Variants in SEMA4A observed in about 807,000 individuals in gnomAD.
SEMA4A encodes the protein semaphorin 4A.
SEMA4A carries 52 observed loss-of-function variants against 72.5 expected under a neutral mutation model. The observed-to-expected ratio is 0.72, with a 90% CI of 0.57 to 0.90. The LOEUF (loss-of-function observed/expected upper bound fraction) is 0.90, where lower values mean the gene tolerates loss of function less well. Among genes scored for constraint, SEMA4A ranks in the 40% least tolerant of loss-of-function variants. SEMA4A has a pLI of 0.00. For synonymous variants in SEMA4A, 369 were observed against 393.1 expected (o/e 0.94, Z 0.73); for missense variants, 926 against 959.7 (o/e 0.96, Z 0.46).
intron 10 of SEMA4A, among the ~76,000 whole-genome samples, chr1:156,171,909 G>T (rs1045289895): frequency 3.4e-5 from 5 of 146,722 alleles, no homozygotes; most frequent in Non-Finnish European, 7.5e-5. Flanking sequence ...TCGCCTTCCC[G>T]AGTAGCTGGG....
At chr1:156,172,323 C>T (rs1654877252) in intron 10 of SEMA4A, among the ~76,000 whole-genome samples, 1 of 151,940 alleles carries the variant, frequency 6.6e-6, no homozygotes, top group Admixed American at 6.6e-5. Context: ...ACCATGCTAG[C>T]CAGGCTGGTC....
intron 11 of SEMA4A, among the ~76,000 whole-genome samples, chr1:156,174,495 T>C (rs982469756): frequency 1.3e-5 from 2 of 152,106 alleles, no homozygotes; most frequent in Non-Finnish European, 2.9e-5. Flanking sequence ...AGGTGCTTGA[T>C]GGATGTGAGG....
chr1:156,161,260 C>T, intron 8 of SEMA4A, 86 bp from the exon 9 acceptor site: 2 of 606,066 alleles, frequency 3.3e-6, no homozygotes, highest in Non-Finnish European at 4.4e-6. Flanking sequence ...TGGGGGGACA[C>T]GCCGAGCTGC....
intron 2 of SEMA4A, chr1:156,155,514 A>C (rs1449234786): frequency 6.5e-6 from 1 of 152,820 alleles, no homozygotes; most frequent in Non-Finnish European, 1.5e-5. Flanking sequence ...CCATCAATAC[A>C]GGGTGATCTG....
intron 14 of SEMA4A, 87 bp downstream of exon 14, chr1:156,175,743 C>G: frequency 1.1e-6 from 1 of 932,138 alleles, no homozygotes; most frequent in Non-Finnish European, 1.7e-6. Context: ...CAATTTCCTC[C>G]CCCAGCACCT....
rs1268655563 is a variant in SEMA4A, at chr1:156,161,055, G to A, written c.810+26G>A. 3.0e-6 allele frequency: 3 copies of A among 985,504 alleles called. No individual in the cohort carries two copies. The Admixed American group carries it at 5.3e-5, about 17-fold the overall frequency. 61.0% of individuals were successfully genotyped at this position (985,504 alleles called of 1,614,324 possible). A position where few individuals can be genotyped will look rare whatever the true frequency, so the allele number is the denominator to read the frequency against. ...GTCCGCGGCCTGGGCGGGGGGCGGG[G>A]CTAACTGGAGGAGAACCAATAGGGA... On this transcript the variant is annotated intron_variant, in intron 8 of 14. Transcript: ENST00000368285.
Position 156,163,091 on chromosome 1 carries a change from C to G in SEMA4A, c.1131C>G (p.Gly377=). 6.2e-7 allele frequency: 1 copy of G among 1,613,304 alleles called. No homozygotes were observed. Among genetic ancestry groups the G allele is most frequent in the Non-Finnish European group, 8.5e-7 (1 of 1,179,688 alleles). The part of the protein sequence containing the change: ...YRGPETNPRP[G]SCSVGPSSDK... ...GCCCTGAGACCAACCCCCGGCCAGG[C>G]AGTGTGAGTACTACCCCCCACACTG... The change falls in exon 10 of 15, where the codon GGC becomes GGG. Residue 377 remains glycine, a synonymous_variant. Coordinates refer to ENST00000368285, the MANE Select transcript of SEMA4A (RefSeq NM_022367.4).
At chr1:156,165,157 T>C (rs1654043521) in intron 10 of SEMA4A, among the ~76,000 whole-genome samples, 1 of 152,152 alleles carries the variant, frequency 6.6e-6, no homozygotes, top group Non-Finnish European at 1.5e-5. Context: ...GAATCTCTTC[T>C]GAAGACAGAC....
intron 10 of SEMA4A, among the ~76,000 whole-genome samples, chr1:156,172,082 CTGTT>C (rs35314152): frequency 0.4 from 54,408 of 136,726 alleles, 12,218 homozygotes; most frequent in Non-Finnish European, 0.47. Context: ...CTGTGCCCGG[CTGTT>C]TGTTTGTTTG....
At chr1:156,164,605 C>T (rs1653991506) in intron 10 of SEMA4A, among the ~76,000 whole-genome samples, 1 of 152,130 alleles carries the variant, frequency 6.6e-6, no homozygotes, top group South Asian at 2.1e-4. Flanking sequence ...AGTAACTGCA[C>T]CCACCCCCAA....
chr1:156,149,646 C>T (rs374915627), upstream of SEMA4A: 3 of 152,186 alleles, frequency 2.0e-5, no homozygotes, highest in African/African-American at 7.2e-5. Context: ...GCTGTGTCGC[C>T]CCGGCATATA....
chr1:156,173,103 C>A, intron 11 of SEMA4A, 97 bp downstream of exon 11: 2 of 1,248,282 alleles, frequency 1.6e-6, no homozygotes, highest in Non-Finnish European at 1.1e-6. Flanking sequence ...CTTATTCATT[C>A]AACAACTGTT....
rs146418953 is a variant in SEMA4A, at chr1:156,176,634, C to G, written c.1923C>G (p.Asp641Glu). 1 of 1,614,216 alleles carries G rather than the reference C, an allele frequency of 6.2e-7. No individual in the cohort carries two copies. Among genetic ancestry groups the G allele is most frequent in the East Asian group, 2.2e-5 (1 of 44,888 alleles). Residue 641 changes from aspartate to glutamate, a missense_variant, in exon 15 of 15, where the codon GAC (aspartate) becomes GAG (glutamate). By Grantham distance (45) the Asp-to-Glu change is conservative. Coordinates refer to ENST00000368285, the MANE Select transcript of SEMA4A (RefSeq NM_022367.4). ...FSYPVISYWV[D>E]SQDQTLALDP... is the part of the protein sequence containing the mutation. ...ACCCTGTGATCTCCTACTGGGTGGA[C>G]AGCCAGGACCAGACCCTGGCCCTGG...
At position 156,161,395 on chromosome 1, in the gene SEMA4A, T is replaced by C; in HGVS notation, c.860T>C (p.Leu287Pro). The change falls in exon 9 of 15, where the codon CTG becomes CCG. Residue 287 changes from leucine (L) to proline (P), a missense_variant. Leu to Pro is a moderately conservative substitution (Grantham distance 98). Coordinates refer to ENST00000368285, the MANE Select transcript of SEMA4A (RefSeq NM_022367.4). Reference protein sequence around the residue: ...KLLQKKWTTFLKAQLLCTQPG... With the variant: ...KLLQKKWTTFPKAQLLCTQPG... The stretch of plus-strand genomic sequence containing the variant: ...CTGCAGAAGAAGTGGACCACCTTCC[T>C]GAAGGCCCAGCTGCTCTGCACCCAG... The C allele has an allele frequency of 1.3e-6, 2 of 1,545,558 alleles. No homozygotes were observed. Among genetic ancestry groups the C allele is most frequent in the Non-Finnish European group, 1.8e-6 (2 of 1,136,032 alleles).
intron 7 of SEMA4A, 63 bp downstream of exon 7, chr1:156,160,622 A>G: frequency 7.0e-7 from 1 of 1,425,434 alleles, no homozygotes; most frequent in Non-Finnish European, 9.9e-7. Context: ...AATTCACTCA[A>G]CTTTCATTTG....
At chr1:156,173,041 C>T (rs777100441) in intron 11 of SEMA4A, 35 bp downstream of exon 11, 1 of 1,602,550 alleles carries the variant, frequency 6.2e-7, no homozygotes, top group Admixed American at 1.7e-5. Flanking sequence ...CCCCAGAGGA[C>T]TAGAGCAGAG....
chr1:156,175,228 T>G lies in SEMA4A; in HGVS notation c.1577T>G (p.Leu526Arg). 1 of 1,612,918 alleles carries G rather than the reference T, an allele frequency of 6.2e-7. No homozygotes were observed. Among genetic ancestry groups the G allele is most frequent in the Non-Finnish European group, 8.5e-7 (1 of 1,179,294 alleles). Reference sequence around the variant, plus strand: ...CCTGAGTCCCGAACCTGTTGCCTCCTGTCTGCCCCCAACCTGTGAGTGCCA... The same window carrying G: ...CCTGAGTCCCGAACCTGTTGCCTCCGGTCTGCCCCCAACCTGTGAGTGCCA... The part of the protein sequence containing the change: ...WDPESRTCCL[L>R]SAPNLNSWKQ... The change falls in exon 13 of 15, where the codon CTG (leucine) becomes CGG (arginine). Residue 526 changes from leucine to arginine, a missense_variant. Physicochemically the swap from Leu to Arg is moderately radical, Grantham distance 102 (BLOSUM62 -2). Transcript: ENST00000368285.
chr1:156,174,661 C>A (rs1655130369), intron 11 of SEMA4A, among the ~76,000 whole-genome samples, 161 bp from the exon 12 acceptor site: 1 of 152,174 alleles, frequency 6.6e-6, no homozygotes, highest in South Asian at 2.1e-4. Context: ...CAAGAGACTG[C>A]CATCTCCATG....
chr1:156,166,001 G>A (rs897073179), intron 10 of SEMA4A, among the ~76,000 whole-genome samples: 1 of 144,090 alleles, frequency 6.9e-6, no homozygotes. Flanking sequence ...CCACCTCCCA[G>A]GTTCAAGCAC....
Sources: gnomAD v4.1 joint callset for allele counts (sites outside exome capture counted in the v4.1 genomes callset) on GRCh38, gnomAD v4.1.1 for gene constraint, MANE v1.5 for transcripts, NCBI Gene and HGNC (gene_info 2026-07-23, HGNC 2026-07-21) for gene names.